Variants in ECT2 observed in about 807,000 individuals in gnomAD.
The protein encoded by ECT2 is protein ECT2.
ECT2 carries 61 observed loss-of-function variants against 116.9 expected under a neutral mutation model. The observed-to-expected ratio is 0.52, with a 90% CI of 0.42 to 0.65. The LOEUF (loss-of-function observed/expected upper bound fraction) is 0.65, where lower values mean the gene tolerates loss of function less well. Among genes scored for constraint, ECT2 ranks in the 30% least tolerant of loss-of-function variants. ECT2 has a pLI of 0.00. For missense variants in ECT2, 937 were observed against 1,078.7 expected (o/e 0.87, Z 1.84); for synonymous variants, 358 against 346.4 (o/e 1.03, Z -0.37).
intron 17 of ECT2, 63 bp from the exon 18 acceptor site, chr3:172,786,430 T>G: frequency 9.5e-7 from 1 of 1,052,268 alleles, no homozygotes; most frequent in Non-Finnish European, 1.4e-6. Flanking sequence ...TGGACAGCAT[T>G]TTAGTCTTAG....
chr3:172,766,427 T>C (rs532241941), intron 12 of ECT2, among the ~76,000 whole-genome samples: 122 of 152,356 alleles, frequency 8.0e-4, no homozygotes, highest in Non-Finnish European at 1.5e-3. Context: ...ATTGAATAGA[T>C]AATTCATAGA....
At position 172,769,130 on chromosome 3, in the gene ECT2, C is replaced by G. The variant is rs1254206806; in HGVS notation, c.1415C>G (p.Ala472Gly). ...QTESNYVNIL[A>G]TIIQLFQVPL... ...GAAAGTAATTATGTTAATATATTGGCAACAATTATTCAGGTAAGTATGAGT... is the reference window on the plus strand; with the variant it reads ...GAAAGTAATTATGTTAATATATTGGGAACAATTATTCAGGTAAGTATGAGT... Residue 472 changes from alanine (A) to glycine (G), a missense_variant, in exon 13 of 25, where the codon GCA (alanine) becomes GGA (glycine). Coordinates refer to ENST00000392692, the MANE Select transcript of ECT2 (RefSeq NM_001258315.2). The G allele has an allele frequency of 1.9e-6, 3 of 1,611,222 alleles. No individual in the cohort carries two copies. Among genetic ancestry groups the G allele is most frequent in the Non-Finnish European group, 2.5e-6 (3 of 1,178,332 alleles).
intron 18 of ECT2, among the ~76,000 whole-genome samples, chr3:172,792,436 G>C (rs1724846949): frequency 7.4e-6 from 1 of 134,996 alleles, no homozygotes; most frequent in Non-Finnish European, 1.6e-5. Context: ...TATGTACGTG[G>C]AGTCTTTTAT....
chr3:172,797,980 T>A (rs1726038765), intron 18 of ECT2, among the ~76,000 whole-genome samples: 1 of 152,184 alleles, frequency 6.6e-6, no homozygotes, highest in African/African-American at 2.4e-5. Flanking sequence ...GTCTTGAGAC[T>A]TTCAACATCT....
At chr3:172,752,005 A>G (rs1183619234) in intron 1 of ECT2, 1 of 152,170 alleles carries the variant, frequency 6.6e-6, no homozygotes, top group African/African-American at 2.4e-5. Flanking sequence ...AATTTTAATT[A>G]TTAATCATCT....
In ECT2 at chr3:172,821,438, A is replaced by G. The variant is rs760794469; in HGVS notation, c.*1201A>G. ...ACATTTTAAAAGCAATTGTATTAGTAAGAACTTTGTAAATAAATACCTAAA... is the reference window on the plus strand; with the variant it reads ...ACATTTTAAAAGCAATTGTATTAGTGAGAACTTTGTAAATAAATACCTAAA... On this transcript the variant is annotated 3_prime_UTR_variant, in exon 25 of 25. Transcript: ENST00000392692. 2 of 151,964 alleles carry G rather than the reference A, an allele frequency of 1.3e-5. No homozygotes were observed. The highest frequency in any genetic ancestry group is 2.9e-5 in the Non-Finnish European group (2 of 67,814). The allele number at this position is 151,964 out of a possible 1,614,324, so 9.4% of individuals were successfully genotyped here.
chr3:172,771,638 C>T (rs982978339), intron 13 of ECT2, among the ~76,000 whole-genome samples: 10 of 151,944 alleles, frequency 6.6e-5, no homozygotes, highest in Admixed American at 2.0e-4. Context: ...TTTTATGAGA[C>T]GAGAGATCAA....
chr3:172,800,829 A>T (rs1207485101), intron 18 of ECT2, among the ~76,000 whole-genome samples: 1 of 152,234 alleles, frequency 6.6e-6, no homozygotes. Flanking sequence ...TATCACATAC[A>T]TTATTATTTA....
At chr3:172,823,156 T>C (rs949168666), downstream of ECT2, among the ~76,000 whole-genome samples, 1 of 152,118 alleles carries the variant, frequency 6.6e-6, no homozygotes, top group Admixed American at 6.5e-5. Flanking sequence ...ATTTAACCAA[T>C]ACACTTAATT....
intron 21 of ECT2, among the ~76,000 whole-genome samples, chr3:172,807,039 G>A (rs898722459): frequency 3.3e-5 from 5 of 152,124 alleles, no homozygotes. Flanking sequence ...TAGTATAGTT[G>A]TCCCTTGGTA....
intron 14 of ECT2, among the ~76,000 whole-genome samples, chr3:172,776,210 T>C (rs1258425668): frequency 1.3e-5 from 2 of 148,424 alleles, no homozygotes; most frequent in East Asian, 2.0e-4. Context: ...TTTTTTTTTT[T>C]TTTTTTTTTT....
At chr3:172,758,621 G>A (rs1717571977) in intron 5 of ECT2, among the ~76,000 whole-genome samples, 1 of 152,086 alleles carries the variant, frequency 6.6e-6, no homozygotes, top group Non-Finnish European at 1.5e-5. Flanking sequence ...CCTCTGACCT[G>A]TTTTAATGAC....
chr3:172,821,850 A>G (rs746923848), downstream of ECT2, among the ~76,000 whole-genome samples: 5 of 151,918 alleles, frequency 3.3e-5, no homozygotes, highest in Non-Finnish European at 1.5e-5. Flanking sequence ...CTAGAAATGT[A>G]TTGACTATAC....
chr3:172,817,952 T>C (rs1467120233), intron 24 of ECT2, among the ~76,000 whole-genome samples: 2 of 152,234 alleles, frequency 1.3e-5, no homozygotes, highest in Admixed American at 1.3e-4. Context: ...TTATTAACAA[T>C]CTGTTTCAAT....
At chr3:172,792,602 C>T (rs1023369711) in intron 18 of ECT2, among the ~76,000 whole-genome samples, 1 of 152,152 alleles carries the variant, frequency 6.6e-6, no homozygotes, top group African/African-American at 2.4e-5. Flanking sequence ...CAGTTCTTGG[C>T]TCTTCCAAGT....
chr3:172,787,159 A>T (rs891603343), intron 18 of ECT2, among the ~76,000 whole-genome samples: 1 of 152,174 alleles, frequency 6.6e-6, no homozygotes, highest in East Asian at 1.9e-4. Flanking sequence ...CAGAGTGGAA[A>T]ACTCTCTTAC....
intron 5 of ECT2, among the ~76,000 whole-genome samples, chr3:172,758,470 CACACACACACACACAG>C (rs200515873): frequency 0.01 from 1,557 of 151,218 alleles, 34 homozygotes; most frequent in African/African-American, 0.035. Flanking sequence ...CTCTTTTATA[CACACACACACACACAG>C]ACACACACAC....
rs60558773 is a variant in ECT2 at position 172,776,198 on chromosome 3, C to CTTTTTTTTTTTTTTT, written c.1548+2185_1548+2199dup. On this transcript the variant is annotated intron_variant, in intron 14 of 24. Coordinates refer to ENST00000392692, the MANE Select transcript of ECT2 (RefSeq NM_001258315.2). ...TCAACTATTAGTTTTTCAGTTTTTT[C>CTTTTTTTTTTTTTTT]TTTTTTTTTTTTTTTTTTTTTTTGT... Among the ~76,000 whole-genome samples the CTTTTTTTTTTTTTTT allele has an allele frequency of 1.6e-4, 18 of 111,586 alleles. 1 individual carries two copies. Among genetic ancestry groups the CTTTTTTTTTTTTTTT allele is most frequent in the African/African-American group, 3.1e-4 (9 of 28,810 alleles). 73.2% of individuals were successfully genotyped at this position (111,586 alleles called of 152,430 possible).
At chr3:172,782,603 TA>T (rs1346678276) in intron 15 of ECT2, among the ~76,000 whole-genome samples, 2 of 152,236 alleles carry the variant, frequency 1.3e-5, no homozygotes, top group Admixed American at 1.3e-4. Flanking sequence ...AATTGTGTCA[TA>T]GGGGTTAATT....
Sources: gnomAD v4.1 joint callset for allele counts (sites outside exome capture counted in the v4.1 genomes callset) on GRCh38, gnomAD v4.1.1 for gene constraint, MANE v1.5 for transcripts, NCBI Gene and HGNC (gene_info 2026-07-23, HGNC 2026-07-21) for gene names.